Variants in TEKT5 observed in about 807,000 individuals in gnomAD.
The protein encoded by TEKT5 is tektin 5.
In TEKT5, 52 loss-of-function variants were observed where a neutral mutation model predicts 48.7. The ratio of observed to expected loss-of-function variants is 1.07; its 90% confidence interval spans 0.86 to 1.35. The LOEUF (loss-of-function observed/expected upper bound fraction) is 1.35. Ranked by LOEUF, TEKT5 falls within the 40% of genes most tolerant of loss-of-function variation. The pLI is 0.00. For synonymous variants in TEKT5, 318 were observed against 267.6 expected, an observed-to-expected ratio of 1.19 and a Z score of -1.84; for missense variants, 831 against 641.6, an observed-to-expected ratio of 1.30 and a Z score of -3.19.
chr16:10,689,429 G>A (rs961483718), intron 2 of TEKT5, 106 bp from the exon 3 acceptor site: 13 of 951,894 alleles, frequency 1.4e-5, no homozygotes, highest in African/African-American at 8.4e-5. Flanking sequence ...GACCACCCTC[G>A]ACCCCAGGAG....
At position 10,681,130 on chromosome 16, in the gene TEKT5, G is replaced by A. The variant is rs942670161; in HGVS notation, c.863+863C>T. Among the ~76,000 whole-genome samples the A allele has an allele frequency of 1.7e-4, 25 of 151,256 alleles. No individual in the cohort carries two copies. The East Asian group carries it at 2.7e-3, about 16-fold the overall frequency. On this transcript the variant is annotated intron_variant, in intron 4 of 6. Transcript: ENST00000283025. ...GGCACCACCTCATAGCTGCTGTGAC[G>A]AGAAAATGAGGTCACACAGTAAGCA...
rs144083324 is a variant in TEKT5, at chr16:10,694,696, T to G, written c.178A>C (p.Asn60His). The G allele has an allele frequency of 1.2e-6, 2 of 1,613,664 alleles. No homozygotes were observed. Residue 60 changes from asparagine to histidine, a missense_variant, in exon 1 of 7, where the codon AAC (asparagine) becomes CAC (histidine). Coordinates refer to ENST00000283025, the MANE Select transcript of TEKT5 (RefSeq NM_144674.2). ...WRPSLFYKIA[N>H]VQTCPDESTS... The stretch of plus-strand genomic sequence containing the variant: ...CTCTCGTCCGGGCAGGTCTGGACGT[T>G]GGCTATCTTGTAGAAGAGGCTAGGC...
intron 5 of TEKT5, among the ~76,000 whole-genome samples, chr16:10,641,213 G>C (rs1445204521): frequency 6.6e-6 from 1 of 152,144 alleles, no homozygotes; most frequent in Admixed American, 6.6e-5. Flanking sequence ...CATTGTGCTT[G>C]TCTCTTTGAA....
At chr16:10,627,931 C>T in intron 6 of TEKT5, 132 bp from the exon 7 acceptor site, 1 of 709,248 alleles carries the variant, frequency 1.4e-6, no homozygotes, top group Non-Finnish European at 2.2e-6. Context: ...CAACCTCTGC[C>T]TCCCGGGTTC....
intron 5 of TEKT5, among the ~76,000 whole-genome samples, chr16:10,637,612 G>T (rs928384355): frequency 1.1e-4 from 16 of 152,248 alleles, no homozygotes; most frequent in Admixed American, 8.5e-4. Context: ...GCCTGCTAAG[G>T]TCTGAGAATG....
chr16:10,672,853 T>TG (rs1168907378), intron 5 of TEKT5, among the ~76,000 whole-genome samples: 5 of 151,286 alleles, frequency 3.3e-5, no homozygotes, highest in African/African-American at 9.7e-5. Context: ...TTTTTGTTTT[T>TG]TTTTGTTTTT....
At chr16:10,642,340 C>T (rs553419590) in intron 5 of TEKT5, among the ~76,000 whole-genome samples, 3 of 152,292 alleles carry the variant, frequency 2.0e-5, no homozygotes, top group East Asian at 1.9e-4. Flanking sequence ...GGCCACAGTA[C>T]ACCTGCTCTA....
chr16:10,667,324 G>T (rs1252037709), intron 5 of TEKT5, among the ~76,000 whole-genome samples: 2 of 152,112 alleles, frequency 1.3e-5, no homozygotes, highest in Non-Finnish European at 2.9e-5. Context: ...CCTACACAGT[G>T]AACTGTAACC....
Position 10,689,275 on chromosome 16 carries a change from G to T in TEKT5, c.697C>A (p.Gln233Lys), listed in dbSNP as rs768220553. 1.2e-6 allele frequency: 2 copies of T among 1,609,078 alleles called. No individual in the cohort carries two copies. The highest frequency in any genetic ancestry group is 1.7e-6 in the Non-Finnish European group (2 of 1,178,434). The change falls in exon 3 of 7, where the codon CAA becomes AAA. Residue 233 changes from glutamine to lysine, a missense_variant. Physicochemically the swap from Gln to Lys is moderately conservative, Grantham distance 53. Coordinates refer to ENST00000283025, the MANE Select transcript of TEKT5 (RefSeq NM_144674.2). ...TACCGCATCTGGATATCAATTCTTT[G>T]AGCTAATTTTCTCATCTGTTCTTGG... is the stretch of plus-strand genomic sequence containing the variant. ...CCQEQMRKLAQRIDIQMRDNR... is the reference protein window; with the variant it reads ...CCQEQMRKLAKRIDIQMRDNR...
rs771838414 is a variant in TEKT5, at chr16:10,694,868, C to T, written c.6G>A (p.Glu2=). 1.3e-6 allele frequency: 2 copies of T among 1,547,370 alleles called. No homozygotes were observed. Among genetic ancestry groups the T allele is most frequent in the East Asian group, 2.2e-5 (1 of 44,470 alleles). The change falls in exon 1 of 7, where the codon GAG becomes GAA. Residue 2 remains glutamate (E), a synonymous_variant. Coordinates refer to ENST00000283025, the MANE Select transcript of TEKT5 (RefSeq NM_144674.2). ...TGGCGGTCTGAGTAGTCCCAAGAAA[C>T]TCCATCCTCCCTCATGAGCCCCACT... M[E]FLGTTQTASY...
chr16:10,672,172 G>A (rs556621271), intron 5 of TEKT5, among the ~76,000 whole-genome samples: 58 of 152,072 alleles, frequency 3.8e-4, no homozygotes, highest in Non-Finnish European at 7.4e-4. Context: ...TTTATGTTAT[G>A]TGTATTTTAC....
At position 10,629,936 on chromosome 16, in the gene TEKT5, CT is replaced by C. The variant is rs915649821; in HGVS notation, c.1242-2138del. ...TATCTAGAACTTTCCGAGGGGAGGA[CT>C]TTTTTTCTTTTTTCTTTTTGAGACA... is the stretch of plus-strand genomic sequence containing the variant. On this transcript the variant is annotated intron_variant, in intron 6 of 6. Transcript: ENST00000283025. Among the ~76,000 whole-genome samples, 8 of 152,164 alleles carry C rather than the reference CT, an allele frequency of 5.3e-5. No individual in the cohort carries two copies. The East Asian group carries it at 5.8e-4, about 11-fold the overall frequency.
intron 5 of TEKT5, among the ~76,000 whole-genome samples, chr16:10,646,096 C>A (rs1224141152): frequency 6.6e-6 from 1 of 151,604 alleles, no homozygotes; most frequent in African/African-American, 2.4e-5. Context: ...CAACACTGTA[C>A]TGCATTCTAG....
chr16:10,650,954 G>A (rs1898147036), intron 5 of TEKT5, among the ~76,000 whole-genome samples: 1 of 152,074 alleles, frequency 6.6e-6, no homozygotes, highest in Non-Finnish European at 1.5e-5. Flanking sequence ...AAACACTGGG[G>A]CACCATGACA....
intron 6 of TEKT5, among the ~76,000 whole-genome samples, chr16:10,634,782 G>C (rs1294930788): frequency 6.6e-6 from 1 of 152,238 alleles, no homozygotes; most frequent in East Asian, 1.9e-4. Flanking sequence ...GTGGCTGCCA[G>C]CCAACAGCCA....
rs773154491 is a variant in TEKT5 at position 10,682,082 on chromosome 16, C to G, written c.774G>C (p.Ser258=). ...VLERDLEDKS[S]AQCIDEKCFN... ...AGCACTTCTCATCGATACACTGGGC[C>G]GAGCTTTTGTCTTCGAGGTCCCTCT... The change falls in exon 4 of 7, where the codon TCG becomes TCC. Residue 258 remains serine (S), a synonymous_variant. Transcript: ENST00000283025. 2.0e-5 allele frequency: 32 copies of G among 1,614,148 alleles called. No individual in the cohort carries two copies. Among genetic ancestry groups the G allele is most frequent in the Non-Finnish European group, 2.5e-5 (30 of 1,180,022 alleles).
intron 5 of TEKT5, among the ~76,000 whole-genome samples, chr16:10,670,861 A>T (rs1369209349): frequency 2.6e-5 from 4 of 151,616 alleles, no homozygotes; most frequent in African/African-American, 7.3e-5. Context: ...TTTTATTTTT[A>T]TTTATTTATT....
chr16:10,651,836 C>T (rs1898164869), intron 5 of TEKT5, among the ~76,000 whole-genome samples: 1 of 152,086 alleles, frequency 6.6e-6, no homozygotes, highest in Non-Finnish European at 1.5e-5. Context: ...GTGGCAGGTG[C>T]CTGTAATCCA....
intron 5 of TEKT5, among the ~76,000 whole-genome samples, chr16:10,650,936 T>TGCA (rs1458733980): frequency 6.6e-6 from 1 of 150,716 alleles, no homozygotes; most frequent in Non-Finnish European, 1.5e-5. Flanking sequence ...CCCCTGCTTG[T>TGCA]GCACTAGAAA....
Sources: gnomAD v4.1 joint callset for allele counts (sites outside exome capture counted in the v4.1 genomes callset) on GRCh38, gnomAD v4.1.1 for gene constraint, MANE v1.5 for transcripts, NCBI Gene and HGNC (gene_info 2026-07-23, HGNC 2026-07-21) for gene names.